DNAH9: variants seen among roughly 807,000 people sequenced by gnomAD.
The protein encoded by DNAH9 is dynein axonemal heavy chain 9, also known as DNAH9 variant protein.
DNAH9 carries 345 observed loss-of-function variants against 471.6 expected under a neutral mutation model. The ratio of observed to expected loss-of-function variants is 0.73; its 90% CI spans 0.67 to 0.80. DNAH9 has a LOEUF of 0.80. DNAH9 is among the 30% of genes least tolerant of loss of function. DNAH9 has a pLI of 0.00. For synonymous variants in DNAH9, 2,093 were observed against 2,123.6 expected, an observed-to-expected ratio of 0.99 and a Z score of 0.40; for missense variants, 5,407 against 5,609.2, an observed-to-expected ratio of 0.96 and a Z score of 1.15.
intron 49 of DNAH9, among the ~76,000 whole-genome samples, chr17:11,845,924 T>G (rs1443566031): frequency 0.016 from 2,432 of 149,270 alleles, 48 homozygotes; most frequent in African/African-American, 0.056. Flanking sequence ...ATGAGTAGGT[T>G]GTGAAAATTT....
Position 11,665,849 on chromosome 17 carries a change from G to A in DNAH9, c.2731+881G>A, listed in dbSNP as rs75203231. 8.5e-5 allele frequency among the ~76,000 whole-genome samples: 13 copies of A among 152,316 alleles called. No homozygotes were observed. In the East Asian group the frequency reaches 1.2e-3, roughly 14 times the overall value. On this transcript the variant is annotated intron_variant, in intron 15 of 68. Coordinates refer to ENST00000262442, the MANE Select transcript of DNAH9 (RefSeq NM_001372.4). ...TACTGATGTAAAATAAATAGTCCAA[G>A]GCCAGTGTCCAGATATCCAGCCCAT... is the stretch of plus-strand genomic sequence containing the variant.
intron 26 of DNAH9, among the ~76,000 whole-genome samples, chr17:11,717,732 C>T (rs1361682338): frequency 6.6e-6 from 1 of 152,084 alleles, no homozygotes; most frequent in Non-Finnish European, 1.5e-5. Flanking sequence ...GTTGTGTAAC[C>T]ATCACTATCA....
chr17:11,903,873 C>T (rs143151433), intron 60 of DNAH9, among the ~76,000 whole-genome samples: 1 of 150,968 alleles, frequency 6.6e-6, no homozygotes, highest in African/African-American at 2.4e-5. Flanking sequence ...ATTGCACCAC[C>T]GCACTCTAGC....
intron 5 of DNAH9, among the ~76,000 whole-genome samples, chr17:11,618,461 C>G (rs1214763965): frequency 6.6e-6 from 1 of 152,044 alleles, no homozygotes; most frequent in Non-Finnish European, 1.5e-5. Context: ...TGGTGCACGC[C>G]TGTAGTCCCA....
intron 67 of DNAH9, 60 bp from the exon 68 acceptor site, chr17:11,961,807 A>G: frequency 6.5e-7 from 1 of 1,532,036 alleles, no homozygotes. Context: ...CTCTGAGGCC[A>G]GGTGTTTTCA....
In DNAH9 at chr17:11,669,193, C is replaced by G. The variant is rs779497370; in HGVS notation, c.2861C>G (p.Thr954Ser). The G allele has an allele frequency of 8.1e-6, 13 of 1,614,006 alleles. No individual in the cohort carries two copies. Among genetic ancestry groups the G allele is most frequent in the Non-Finnish European group, 8.5e-6 (10 of 1,179,934 alleles). ...TGTGACATTGTTGAGGGTCTCATCACCAGCATTTTTAGGATACCATCTCTG... is the reference window on the plus strand; with the variant it reads ...TGTGACATTGTTGAGGGTCTCATCAGCAGCATTTTTAGGATACCATCTCTG... ...GFCDIVEGLITSIFRIPSLVP... is the reference protein window; with the variant it reads ...GFCDIVEGLISSIFRIPSLVP... Residue 954 changes from threonine (T) to serine (S), a missense_variant, in exon 16 of 69, where the codon ACC becomes AGC. Coordinates refer to ENST00000262442, the MANE Select transcript of DNAH9 (RefSeq NM_001372.4).
At chr17:11,739,715 T>G (rs2075404446) in intron 29 of DNAH9, among the ~76,000 whole-genome samples, 1 of 152,256 alleles carries the variant, frequency 6.6e-6, no homozygotes, top group Admixed American at 6.5e-5. Flanking sequence ...TTTTAAACTC[T>G]TCTTTATTTT....
chr17:11,622,874 T>A (rs1285896288), intron 6 of DNAH9, among the ~76,000 whole-genome samples: 4 of 152,142 alleles, frequency 2.6e-5, no homozygotes, highest in Admixed American at 2.6e-4. Context: ...CCTGCCTTGC[T>A]GCCTCTCATT....
intron 55 of DNAH9, among the ~76,000 whole-genome samples, chr17:11,882,461 G>A (rs1371580125): frequency 6.6e-6 from 1 of 152,146 alleles, no homozygotes; most frequent in Non-Finnish European, 1.5e-5. Flanking sequence ...GGCGGGGTCG[G>A]TAGGTGGAAT....
At chr17:11,874,490 CAG>C (rs1188345776) in intron 52 of DNAH9, among the ~76,000 whole-genome samples, 1 of 152,094 alleles carries the variant, frequency 6.6e-6, no homozygotes, top group African/African-American at 2.4e-5. Flanking sequence ...GCTGGTGAAA[CAG>C]AGGAGAGGAA....
chr17:11,775,389 C>A (rs1481235894), intron 38 of DNAH9, among the ~76,000 whole-genome samples: 1 of 151,922 alleles, frequency 6.6e-6, no homozygotes, highest in Non-Finnish European at 1.5e-5. Context: ...AAAAAAACAA[C>A]AAAAGCAAAC....
rs1346693757 is a variant in DNAH9 at position 11,875,021 on chromosome 17, C to A, written c.10315C>A (p.Gln3439Lys). 6.2e-7 allele frequency: 1 copy of A among 1,614,016 alleles called. No individual in the cohort carries two copies. The highest frequency in any genetic ancestry group is 1.7e-5 in the Admixed American group (1 of 59,998). ...GGATGATGCTGACGTGGCTGCCTGG[C>A]AGAACGAGGGCCTCCCAGCCGACCG... ...LMDDADVAAW[Q>K]NEGLPADRMS... Residue 3439 changes from glutamine (Q) to lysine (K), a missense_variant, in exon 53 of 69, where the codon CAG becomes AAG. Transcript: ENST00000262442.
At chr17:11,889,040 A>G (rs1178877434) in intron 57 of DNAH9, among the ~76,000 whole-genome samples, 1 of 152,234 alleles carries the variant, frequency 6.6e-6, no homozygotes, top group Non-Finnish European at 1.5e-5. Flanking sequence ...GATGGAACTT[A>G]AGTGGCAGTA....
intron 52 of DNAH9, 162 bp from the exon 53 acceptor site, chr17:11,874,787 A>C (rs2150988756): frequency 1.6e-6 from 1 of 608,422 alleles, no homozygotes; most frequent in African/African-American, 1.9e-5. Context: ...ACTTTAATAG[A>C]ACCTGCTTCC....
At chr17:11,753,212 A>G (rs962142420) in intron 33 of DNAH9, among the ~76,000 whole-genome samples, 4 of 152,242 alleles carry the variant, frequency 2.6e-5, no homozygotes, top group East Asian at 1.9e-4. Context: ...TGTTCTGCAC[A>G]TAGACTCTTT....
intron 43 of DNAH9, among the ~76,000 whole-genome samples, chr17:11,802,059 A>G (rs1212711864): frequency 1.3e-5 from 2 of 152,156 alleles, no homozygotes; most frequent in Non-Finnish European, 2.9e-5. Flanking sequence ...AATAAAATGT[A>G]TTTAGTTGTA....
chr17:11,655,616 T>TACAC (rs10541372), intron 14 of DNAH9, among the ~76,000 whole-genome samples: 1 of 148,312 alleles, frequency 6.7e-6, no homozygotes, highest in African/African-American at 2.5e-5. Flanking sequence ...TATATATATA[T>TACAC]ACACACACAC....
chr17:11,782,813 C>T (rs1968718840), intron 39 of DNAH9, among the ~76,000 whole-genome samples: 1 of 152,158 alleles, frequency 6.6e-6, no homozygotes, highest in South Asian at 2.1e-4. Flanking sequence ...AGGAGAATGG[C>T]TTGAACCCAG....
chr17:11,736,869 G>A (rs1480171235), intron 28 of DNAH9, among the ~76,000 whole-genome samples: 2 of 152,178 alleles, frequency 1.3e-5, no homozygotes, highest in South Asian at 2.1e-4. Flanking sequence ...CTTAGTCTTC[G>A]CCCAAAGGTA....
Sources: allele counts gnomAD v4.1 joint callset (sites outside exome capture counted in the v4.1 genomes callset), GRCh38; gene constraint gnomAD v4.1.1; transcripts MANE v1.5; gene names NCBI Gene and HGNC (gene_info 2026-07-23, HGNC 2026-07-21).